Variants in PITPNC1 observed in about 807,000 individuals in gnomAD.
PITPNC1 encodes phosphatidylinositol transfer protein cytoplasmic 1.
Under a neutral mutation model 44.7 loss-of-function variants are expected in PITPNC1, and 18 were observed. That is an observed-to-expected ratio of 0.40 (90% CI 0.28 to 0.60). The LOEUF (loss-of-function observed/expected upper bound fraction) is 0.60, where lower values mean the gene tolerates loss of function less well. Ranked by LOEUF, PITPNC1 falls within the 20% of genes least tolerant of loss-of-function variation. PITPNC1 has a pLI of 0.39. For synonymous variants in PITPNC1, 141 were observed against 149.6 expected, an observed-to-expected ratio of 0.94 and a Z score of 0.42; for missense variants, 290 against 418.4, an observed-to-expected ratio of 0.69 and a Z score of 2.68.
chr17:67,424,518 G>A lies in PITPNC1; in HGVS notation c.48+46316G>A, dbSNP rs989874108. Among the ~76,000 whole-genome samples, 5 of 152,060 alleles carry A rather than the reference G, an allele frequency of 3.3e-5. No individual in the cohort carries two copies. In the East Asian group the frequency reaches 9.8e-4, roughly 30 times the overall value. ...CTAAAAATTCAAGAATTAGCTGGGCGTGGTGGTGGGCGCCTGTAATCCCAG... is the reference window on the plus strand; with the variant it reads ...CTAAAAATTCAAGAATTAGCTGGGCATGGTGGTGGGCGCCTGTAATCCCAG... On this transcript the variant is annotated intron_variant, in intron 1 of 8. Coordinates refer to ENST00000581322, the MANE Select transcript of PITPNC1 (RefSeq NM_012417.4).
chr17:67,593,461 G>A (rs1029000613), intron 5 of PITPNC1, among the ~76,000 whole-genome samples: 13 of 152,168 alleles, frequency 8.5e-5, no homozygotes, highest in African/African-American at 2.2e-4. Flanking sequence ...GTGCAGTGGT[G>A]TGATCTTGGC....
rs181013667 is a variant in PITPNC1 at position 67,690,663 on chromosome 17, C to T, written c.683-1909C>T. On this transcript the variant is annotated intron_variant, in intron 8 of 8. Transcript: ENST00000581322. ...GGGGCCAAAACAGATACAGAAAATC[C>T]GCGGGCACTAAATTTTGCATTTTGC... 3.9e-5 allele frequency among the ~76,000 whole-genome samples: 6 copies of T among 152,044 alleles called. No homozygotes were observed. In the East Asian group the frequency reaches 1.2e-3, roughly 29 times the overall value.
At chr17:67,425,198 CACA>C (rs1555649731) in intron 1 of PITPNC1, among the ~76,000 whole-genome samples, 1 of 22,800 alleles carries the variant, frequency 4.4e-5, no homozygotes, top group Non-Finnish European at 8.5e-5. Context: ...CGCGCGCACG[CACA>C]CGCACACACA....
chr17:67,389,718 T>C (rs1246459402), intron 1 of PITPNC1, among the ~76,000 whole-genome samples: 5 of 152,110 alleles, frequency 3.3e-5, no homozygotes, highest in Non-Finnish European at 7.4e-5. Flanking sequence ...CTCACTCTGT[T>C]GCCCAGGCTA....
chr17:67,663,881 T>C (rs2042383863), intron 6 of PITPNC1, among the ~76,000 whole-genome samples: 1 of 152,204 alleles, frequency 6.6e-6, no homozygotes, highest in Admixed American at 6.5e-5. Context: ...TAGACCTGTT[T>C]TAGCTAGCCC....
At chr17:67,440,412 T>G (rs895021730) in intron 1 of PITPNC1, among the ~76,000 whole-genome samples, 2 of 152,122 alleles carry the variant, frequency 1.3e-5, no homozygotes, top group Admixed American at 1.3e-4. Context: ...CCAAACTCTG[T>G]TATGACCAAC....
chr17:67,691,186 G>C (rs1478076229), intron 8 of PITPNC1, among the ~76,000 whole-genome samples: 1 of 152,112 alleles, frequency 6.6e-6, no homozygotes, highest in South Asian at 2.1e-4. Context: ...AAGCCATAAA[G>C]AGCAAATAGA....
chr17:67,667,682 A>C (rs935170766), intron 6 of PITPNC1, among the ~76,000 whole-genome samples: 5 of 151,626 alleles, frequency 3.3e-5, no homozygotes, highest in Non-Finnish European at 7.4e-5. Flanking sequence ...AAAAAAAAAA[A>C]AAACCCTTGC....
At chr17:67,618,846 T>C (rs1188012959) in intron 5 of PITPNC1, among the ~76,000 whole-genome samples, 1 of 151,634 alleles carries the variant, frequency 6.6e-6, no homozygotes, top group African/African-American at 2.4e-5. Context: ...GATCACGAGG[T>C]TAGGAGATCG....
chr17:67,650,309 C>T (rs372304300), intron 6 of PITPNC1, among the ~76,000 whole-genome samples: 1 of 152,170 alleles, frequency 6.6e-6, no homozygotes, highest in East Asian at 1.9e-4. Context: ...CACTTGAAAA[C>T]GTTAGCTCCT....
chr17:67,493,757 TA>T (rs1439369380), intron 1 of PITPNC1, among the ~76,000 whole-genome samples: 1 of 152,192 alleles, frequency 6.6e-6, no homozygotes, highest in African/African-American at 2.4e-5. Flanking sequence ...GGTGGGATGG[TA>T]GCAACCTAGC....
rs2040374841 is a variant in PITPNC1, at chr17:67,524,833, A to G, written c.49-7969A>G. 5.8e-4 allele frequency: 2 copies of G among 3,476 alleles called. 1 individual carries two copies. Among genetic ancestry groups the G allele is most frequent in the Non-Finnish European group, 9.6e-4 (2 of 2,088 alleles). The allele number at this position is 3,476 out of a possible 1,614,324, so 0.2% of individuals were successfully genotyped here. On this transcript the variant is annotated intron_variant, in intron 1 of 8. Coordinates refer to ENST00000581322, the MANE Select transcript of PITPNC1 (RefSeq NM_012417.4). ...GCCGGACTGCGGACTGCAGTGGCGC[A>G]ATCTCGGCTCACTGCAAGCTCCGCT... is the stretch of plus-strand genomic sequence containing the variant.
intron 8 of PITPNC1, among the ~76,000 whole-genome samples, chr17:67,677,257 G>A (rs1036013135): frequency 3.9e-5 from 6 of 152,118 alleles, no homozygotes; most frequent in Non-Finnish European, 7.4e-5. Context: ...AGAATCATAG[G>A]TGCAAACTGA....
intron 1 of PITPNC1, among the ~76,000 whole-genome samples, chr17:67,404,403 A>T (rs1342385874): frequency 1.3e-5 from 2 of 152,226 alleles, no homozygotes; most frequent in African/African-American, 2.4e-5. Context: ...GTCTATCTAG[A>T]CTGTGTCTTG....
chr17:67,406,835 C>T (rs1417867146), intron 1 of PITPNC1, among the ~76,000 whole-genome samples: 1 of 152,140 alleles, frequency 6.6e-6, no homozygotes, highest in East Asian at 1.9e-4. Flanking sequence ...GATCCATCCA[C>T]CTCATCCTCC....
At chr17:67,425,744 G>C (rs1567985196) in intron 1 of PITPNC1, among the ~76,000 whole-genome samples, 1 of 151,980 alleles carries the variant, frequency 6.6e-6, no homozygotes, top group Non-Finnish European at 1.5e-5. Context: ...GCCCAGGCTG[G>C]TCTCAAACTC....
At chr17:67,429,783 T>G (rs1406833040) in intron 1 of PITPNC1, among the ~76,000 whole-genome samples, 1 of 152,224 alleles carries the variant, frequency 6.6e-6, no homozygotes, top group African/African-American at 2.4e-5. Context: ...TTTTATGAAT[T>G]TTATGATTTG....
At chr17:67,691,610 C>T (rs1291372076) in intron 8 of PITPNC1, among the ~76,000 whole-genome samples, 1 of 152,160 alleles carries the variant, frequency 6.6e-6, no homozygotes, top group Non-Finnish European at 1.5e-5. Flanking sequence ...TATTAAAACA[C>T]AATCTCTGAA....
At chr17:67,451,893 C>T (rs1050084111) in intron 1 of PITPNC1, among the ~76,000 whole-genome samples, 1 of 151,986 alleles carries the variant, frequency 6.6e-6, no homozygotes, top group African/African-American at 2.4e-5. Flanking sequence ...ACCTCGGCCT[C>T]CCAAAGTGCT....
Sources: gnomAD v4.1 joint callset for allele counts (sites outside exome capture counted in the v4.1 genomes callset) on GRCh38, gnomAD v4.1.1 for gene constraint, MANE v1.5 for transcripts, NCBI Gene and HGNC (gene_info 2026-07-23, HGNC 2026-07-21) for gene names.